The following SCN1A variants were observed in gnomAD, a reference collection of about 807,000 sequenced individuals.
The protein encoded by SCN1A is sodium voltage-gated channel alpha subunit 1, also known as sodium channel protein type 1 subunit alpha.
A neutral mutation model predicts 193.7 loss-of-function variants in SCN1A; 13 were observed. The ratio of observed to expected loss-of-function variants is 0.07; its 90% CI spans 0.04 to 0.11. SCN1A has a LOEUF of 0.11. Ranked by LOEUF, SCN1A falls within the 10% of genes least tolerant of loss-of-function variation. SCN1A has a pLI of 1.00. For missense variants in SCN1A, 1,432 were observed against 2,451.1 expected (o/e 0.58, Z 8.78); for synonymous variants, 781 against 843.6 (o/e 0.93, Z 1.29).
At chr2:166,061,310 TGAG>T (rs1267476101) in intron 4 of SCN1A, among the ~76,000 whole-genome samples, 1 of 152,104 alleles carries the variant, frequency 6.6e-6, no homozygotes, top group African/African-American at 2.4e-5. Flanking sequence ...ATTTCTGCCC[TGAG>T]TACTAAAAAG....
chr2:166,042,269 C>T (rs748311192), intron 15 of SCN1A, 23 bp downstream of exon 15: 18 of 1,608,202 alleles, frequency 1.1e-5, no homozygotes, highest in South Asian at 8.9e-5. Context: ...ATAATTGAAA[C>T]GAAAATAGAA....
chr2:165,999,439 G>A lies in SCN1A; in HGVS notation c.4338+284C>T, dbSNP rs537014373. ...AATTACTACTAATTATATAATGTGT[G>A]GATAAATAGGAAACAAAATAGAAAA... On this transcript the variant is annotated intron_variant, in intron 25 of 28. Transcript: ENST00000674923. Among the ~76,000 whole-genome samples the A allele has an allele frequency of 4.6e-5, 7 of 151,364 alleles. No homozygotes were observed. In the South Asian group the frequency reaches 8.3e-4, roughly 18 times the overall value.
chr2:166,009,921 AT>A, intron 22 of SCN1A, 80 bp from the exon 23 acceptor site: 1 of 1,345,542 alleles, frequency 7.4e-7, no homozygotes, highest in Non-Finnish European at 1.1e-6. Flanking sequence ...AACAAGTATA[AT>A]TTTTGCTTAT....
chr2:166,025,773 T>C (rs1559171095), intron 19 of SCN1A, among the ~76,000 whole-genome samples: 1 of 152,178 alleles, frequency 6.6e-6, no homozygotes. Flanking sequence ...TCTTCTTCCT[T>C]TTTTGTTCCT....
intron 3 of SCN1A, among the ~76,000 whole-genome samples, chr2:166,076,807 T>A (rs1685028831): frequency 6.7e-6 from 1 of 149,150 alleles, no homozygotes; most frequent in Admixed American, 6.7e-5. Flanking sequence ...CTTTTCAACA[T>A]GTATTGCTGG....
At chr2:166,073,089 C>T (rs1293758158) in intron 4 of SCN1A, among the ~76,000 whole-genome samples, 4 of 152,116 alleles carry the variant, frequency 2.6e-5, no homozygotes, top group East Asian at 1.9e-4. Flanking sequence ...CTGCCTGCCT[C>T]GGCCCCTCAA....
At chr2:166,099,841 C>G (rs1472579127) in intron 2 of SCN1A, among the ~76,000 whole-genome samples, 2 of 81,214 alleles carry the variant, frequency 2.5e-5, no homozygotes, top group African/African-American at 9.1e-5. Context: ...AACTACAAAC[C>G]ACTGCTCAAG....
At chr2:166,123,983 T>G (rs894120998) in intron 2 of SCN1A, among the ~76,000 whole-genome samples, 9 of 152,206 alleles carry the variant, frequency 5.9e-5, no homozygotes, top group African/African-American at 2.2e-4. Context: ...TCATTAGATT[T>G]CTGCTTAAAA....
chr2:165,987,986 A>G lies in SCN1A; in HGVS notation c.*3259T>C, dbSNP rs1688713258. The G allele has an allele frequency of 6.6e-6, 1 of 152,100 alleles. No homozygotes were observed. Among genetic ancestry groups the G allele is most frequent in the South Asian group, 2.1e-4 (1 of 4,822 alleles). The allele number at this position is 152,100 out of a possible 1,614,324, so 9.4% of individuals were successfully genotyped here. A position where few individuals can be genotyped will look rare whatever the true frequency, so the allele number is the denominator to read the frequency against. On this transcript the variant is annotated 3_prime_UTR_variant, in exon 29 of 29. Transcript: ENST00000674923. ...AGGATTGTGATGTTATGAAGAGGCA[A>G]AGTCAGTCCATTGTACAAGGATGGG...
chr2:166,058,432 C>T, intron 5 of SCN1A, 138 bp downstream of exon 5: 1 of 558,182 alleles, frequency 1.8e-6, no homozygotes, highest in Non-Finnish European at 3.3e-6. Flanking sequence ...AAGAATGAGG[C>T]TAATATGACA....
chr2:166,138,596 G>T (rs1185777359), intron 1 of SCN1A, among the ~76,000 whole-genome samples: 1 of 152,242 alleles, frequency 6.6e-6, no homozygotes, highest in Non-Finnish European at 1.5e-5. Flanking sequence ...CTAGATTTCA[G>T]AAGATGTATG....
At chr2:166,094,418 T>C (rs984530988) in intron 2 of SCN1A, among the ~76,000 whole-genome samples, 3 of 152,186 alleles carry the variant, frequency 2.0e-5, no homozygotes, top group African/African-American at 4.8e-5. Context: ...GCCCAGAATA[T>C]TAAATTGAGT....
At chr2:166,103,077 A>C (rs1014962496) in intron 2 of SCN1A, among the ~76,000 whole-genome samples, 1 of 151,896 alleles carries the variant, frequency 6.6e-6, no homozygotes, top group Non-Finnish European at 1.5e-5. Context: ...AGATATATAT[A>C]TATATATATG....
rs768145184 is a variant in SCN1A at position 166,007,620 on chromosome 2, CA to C, written c.4002+2098del. 6.6e-6 allele frequency among the ~76,000 whole-genome samples: 1 copy of C among 151,300 alleles called. No individual in the cohort carries two copies. Among genetic ancestry groups the C allele is most frequent in the South Asian group, 2.1e-4 (1 of 4,830 alleles). Reference sequence around the variant, plus strand: ...AAATGTGCATAAAACATGCAAAACACAAAGTGCAACGTGATGATAATTTATT... The same window carrying C: ...AAATGTGCATAAAACATGCAAAACACAAGTGCAACGTGATGATAATTTATT... On this transcript the variant is annotated intron_variant, in intron 23 of 28. Transcript: ENST00000674923.
At chr2:166,016,087 C>T (rs1574071685) in intron 19 of SCN1A, 2 of 268,254 alleles carry the variant, frequency 7.5e-6, no homozygotes, top group East Asian at 1.9e-4. Flanking sequence ...AGAAAGCTTA[C>T]CTTAGAAGAA....
intron 2 of SCN1A, among the ~76,000 whole-genome samples, chr2:166,110,109 G>A (rs1323369748): frequency 3.3e-5 from 5 of 151,984 alleles, no homozygotes; most frequent in East Asian, 1.9e-4. Context: ...CATATGATAC[G>A]CCTGTATCAA....
chr2:166,002,376 T>C (rs1331032966), intron 24 of SCN1A, 96 bp downstream of exon 24: 103 of 1,269,504 alleles, frequency 8.1e-5, no homozygotes, highest in Non-Finnish European at 9.7e-5. Context: ...GAAAGAAATA[T>C]ATACTTTTTC....
At position 166,043,686 on chromosome 2, in the gene SCN1A, G is replaced by C. The variant is rs1347119224; in HGVS notation, c.2026C>G (p.Pro676Ala). The change falls in exon 14 of 29, where the codon CCA becomes GCA. Residue 676 changes from proline to alanine, a missense_variant. Pro to Ala is a conservative substitution (Grantham distance 27). Coordinates refer to ENST00000674923, the MANE Select transcript of SCN1A (RefSeq NM_001165963.4). ...TTCCTTACATTGTCATCAGTAGCTGGCTTATCTATTATCACCTCTGGCAGA... is the reference window on the plus strand; with the variant it reads ...TTCCTTACATTGTCATCAGTAGCTGCCTTATCTATTATCACCTCTGGCAGA... ...QLLPEVIIDKPATDDNGTTTE... is the reference protein window; with the variant it reads ...QLLPEVIIDKAATDDNGTTTE... 1 of 1,614,042 alleles carries C rather than the reference G, an allele frequency of 6.2e-7. No individual in the cohort carries two copies. The highest frequency in any genetic ancestry group is 2.2e-5 in the East Asian group (1 of 44,870).
At position 166,056,432 on chromosome 2, in the gene SCN1A, G is replaced by A. The variant is rs1699141193; in HGVS notation, c.452C>T (p.Pro151Leu). The part of the protein sequence containing the change: ...NCVFMTMSNP[P>L]DWTKNVEYTF... ...TTACTCTACATTCTTTGTCCAATCAGGAGGGTTACTCATTGTCATAAACAC... is the reference window on the plus strand; with the variant it reads ...TTACTCTACATTCTTTGTCCAATCAAGAGGGTTACTCATTGTCATAAACAC... The change falls in exon 6 of 29, where the codon CCT becomes CTT. Residue 151 changes from proline to leucine, a missense_variant. By Grantham distance (98) the Pro-to-Leu change is moderately conservative. Around this residue, in one of 18 missense-constraint regions of SCN1A, gnomAD observed 123 missense variants for 282.8 expected, o/e 0.43. Coordinates refer to ENST00000674923, the MANE Select transcript of SCN1A (RefSeq NM_001165963.4). 1.3e-6 allele frequency: 2 copies of A among 1,598,580 alleles called. No individual in the cohort carries two copies. Among genetic ancestry groups the A allele is most frequent in the Non-Finnish European group, 1.7e-6 (2 of 1,166,276 alleles).
Sources: allele counts gnomAD v4.1 joint callset (sites outside exome capture counted in the v4.1 genomes callset), GRCh38; gene constraint gnomAD v4.1.1; regional missense constraint gnomAD v4.1.1; transcripts MANE v1.5; gene names NCBI Gene and HGNC (gene_info 2026-07-23, HGNC 2026-07-21).